Variants in EXOC4 observed in about 807,000 individuals in gnomAD.
EXOC4 encodes the protein exocyst complex component 4.
A neutral mutation model predicts 107.2 loss-of-function variants in EXOC4; 71 were observed. That is an observed-to-expected ratio of 0.66 (90% CI 0.55 to 0.81). EXOC4 has a LOEUF of 0.81. Among genes scored for constraint, EXOC4 ranks in the 30% least tolerant of loss-of-function variants. The pLI is 0.00. For missense variants in EXOC4, 1,108 were observed against 1,189.6 expected (o/e 0.93, Z 1.01); for synonymous variants, 456 against 441.2 (o/e 1.03, Z -0.42).
intron 7 of EXOC4, among the ~76,000 whole-genome samples, chr7:133,456,132 A>G (rs1050443301): frequency 1.3e-5 from 2 of 152,180 alleles, no homozygotes; most frequent in African/African-American, 4.8e-5. Flanking sequence ...GGTAAATGCA[A>G]AGGAGGTGAA....
intron 9 of EXOC4, among the ~76,000 whole-genome samples, chr7:133,544,831 CT>C (rs11330928): frequency 0.74 from 105,108 of 141,554 alleles, 39,486 homozygotes; most frequent in South Asian, 0.88. Flanking sequence ...GTTTCCTTCC[CT>C]TTTTTTTTTT....
chr7:133,755,232 A>G (rs1269333796), intron 10 of EXOC4, among the ~76,000 whole-genome samples: 1 of 111,196 alleles, frequency 9.0e-6, no homozygotes, highest in Non-Finnish European at 1.8e-5. Flanking sequence ...GTATATATAT[A>G]TAATATATAT....
intron 10 of EXOC4, among the ~76,000 whole-genome samples, chr7:133,719,285 T>C (rs919343403): frequency 2.0e-5 from 3 of 152,156 alleles, no homozygotes; most frequent in African/African-American, 7.2e-5. Context: ...AAACTGTAAG[T>C]CCATTAAGCC....
At chr7:133,338,019 T>G (rs1795560023) in intron 5 of EXOC4, among the ~76,000 whole-genome samples, 1 of 151,710 alleles carries the variant, frequency 6.6e-6, no homozygotes. Flanking sequence ...TTCTTTTTTT[T>G]TTTTTTAAGG....
intron 10 of EXOC4, among the ~76,000 whole-genome samples, chr7:133,735,862 A>G (rs1170528694): frequency 6.6e-6 from 1 of 152,124 alleles, no homozygotes; most frequent in East Asian, 1.9e-4. Context: ...CGAGGCAGGC[A>G]GATCACTTGA....
intron 7 of EXOC4, among the ~76,000 whole-genome samples, chr7:133,417,399 T>C (rs1797503371): frequency 1.3e-5 from 2 of 152,286 alleles, no homozygotes; most frequent in Middle Eastern, 3.4e-3. Flanking sequence ...AAGGTCTGAC[T>C]GCGTGTCAAC....
intron 9 of EXOC4, chr7:133,483,906 GGCA>G: frequency 1.1e-6 from 1 of 873,544 alleles, no homozygotes; most frequent in East Asian, 2.4e-5. Flanking sequence ...TCCCTGAAAA[GGCA>G]TAATTGAATA....
intron 13 of EXOC4, among the ~76,000 whole-genome samples, chr7:133,927,577 A>G (rs1268748398): frequency 6.6e-6 from 1 of 152,244 alleles, no homozygotes; most frequent in East Asian, 1.9e-4. Context: ...GCTATCTTGA[A>G]CAAAGTGTTC....
chr7:134,024,190 C>T (rs1242982815), intron 17 of EXOC4, among the ~76,000 whole-genome samples: 3 of 152,184 alleles, frequency 2.0e-5, no homozygotes, highest in South Asian at 2.1e-4. Flanking sequence ...GTGGCTCTTG[C>T]CTGTAATCCC....
intron 7 of EXOC4, among the ~76,000 whole-genome samples, chr7:133,435,986 G>C (rs1467128802): frequency 1.4e-5 from 2 of 146,974 alleles, no homozygotes; most frequent in African/African-American, 5.0e-5. Flanking sequence ...GTTCTTACTT[G>C]TCCTTTATTC....
At chr7:134,093,247 A>C in the EXOC4 span, among the ~76,000 whole-genome samples, 1 of 152,194 alleles carries the variant, frequency 6.6e-6, no homozygotes. Context: ...GCAAAACAAA[A>C]CAAAACAAAA....
chr7:133,864,414 C>T (rs1210018245), intron 11 of EXOC4, among the ~76,000 whole-genome samples: 1 of 152,166 alleles, frequency 6.6e-6, no homozygotes, highest in Non-Finnish European at 1.5e-5. Flanking sequence ...CTCTACTACA[C>T]CTCCTCTTTT....
chr7:133,760,954 C>T (rs1796020485), intron 10 of EXOC4, among the ~76,000 whole-genome samples: 1 of 151,984 alleles, frequency 6.6e-6, no homozygotes, highest in Non-Finnish European at 1.5e-5. Flanking sequence ...ATTATTTGAC[C>T]CATAACACCC....
At chr7:133,262,671 C>T (rs1267609279) in intron 1 of EXOC4, among the ~76,000 whole-genome samples, 2 of 152,132 alleles carry the variant, frequency 1.3e-5, no homozygotes, top group Non-Finnish European at 2.9e-5. Flanking sequence ...AATGCAGAAT[C>T]TCAGGTCCTA....
At chr7:133,288,023 A>AT (rs1316145846) in intron 2 of EXOC4, among the ~76,000 whole-genome samples, 1 of 152,196 alleles carries the variant, frequency 6.6e-6, no homozygotes. Flanking sequence ...TCATGGGTAA[A>AT]TTTTACCTCA....
At chr7:133,366,231 G>A (rs1584856388) in intron 6 of EXOC4, among the ~76,000 whole-genome samples, 1 of 152,142 alleles carries the variant, frequency 6.6e-6, no homozygotes. Context: ...CTTGCCTTCT[G>A]CAACTGTGAC....
chr7:133,561,708 T>G (rs1044661974), intron 9 of EXOC4, among the ~76,000 whole-genome samples: 2 of 152,216 alleles, frequency 1.3e-5, no homozygotes, highest in East Asian at 3.9e-4. Context: ...TCTATGAATT[T>G]TCTCCAGATA....
intron 9 of EXOC4, chr7:133,576,825 C>T (rs559825034): frequency 1.4e-5 from 18 of 1,289,516 alleles, no homozygotes; most frequent in Admixed American, 2.3e-5. Context: ...CTGAACTCCT[C>T]GAGATTTAGG....
rs988706972 is a variant in EXOC4 at position 133,521,986 on chromosome 7, G to T, written c.1417+41848G>T. Among the ~76,000 whole-genome samples, 5 of 146,936 alleles carry T rather than the reference G, an allele frequency of 3.4e-5. 1 individual carries two copies. Among genetic ancestry groups the T allele is most frequent in the East Asian group, 2.0e-4 (1 of 5,074 alleles). The stretch of plus-strand genomic sequence containing the variant: ...ATATAATAATAATGGTGTGGATTCA[G>T]TTTTTTTTTTTAAACTGGATTTGAG... On this transcript the variant is annotated intron_variant, in intron 9 of 17. Coordinates refer to ENST00000253861, the MANE Select transcript of EXOC4 (RefSeq NM_021807.4).
Sources: allele counts gnomAD v4.1 joint callset (sites outside exome capture counted in the v4.1 genomes callset), GRCh38; gene constraint gnomAD v4.1.1; transcripts MANE v1.5; gene names NCBI Gene and HGNC (gene_info 2026-07-23, HGNC 2026-07-21).